Variants in SHISA9 observed in about 807,000 individuals in gnomAD.
SHISA9 encodes the protein shisa family member 9, also known as protein shisa-9.
Under a neutral mutation model 38.0 loss-of-function variants are expected in SHISA9, and 13 were observed. The observed-to-expected ratio is 0.34, with a 90% CI of 0.22 to 0.54. SHISA9 has a LOEUF of 0.54. Among genes scored for constraint, SHISA9 ranks in the 20% least tolerant of loss-of-function variants. The probability of loss-of-function intolerance (pLI) is 0.91; values close to 1 mark genes in which losing one functional copy is unlikely to be tolerated. For missense variants in SHISA9, 538 were observed against 575.8 expected, an observed-to-expected ratio of 0.93 and a Z score of 0.67; for synonymous variants, 275 against 242.0, an observed-to-expected ratio of 1.14 and a Z score of -1.27.
chr16:12,928,187 G>A (rs1279475745), intron 2 of SHISA9, among the ~76,000 whole-genome samples: 1 of 145,386 alleles, frequency 6.9e-6, no homozygotes, highest in Non-Finnish European at 1.5e-5. Flanking sequence ...TTTTTTTTTT[G>A]CCCCTAATCA....
Position 12,962,073 on chromosome 16 carries a change from C to T in SHISA9, c.691+45258C>T, listed in dbSNP as rs148487244. On this transcript the variant is annotated intron_variant, in intron 2 of 4. Coordinates refer to ENST00000558583, the MANE Select transcript of SHISA9 (RefSeq NM_001145204.3). ...TGGACTTACTTGCTGAGGACTGGTG[C>T]TTGGCCCGTCTTGCCTGCACTGGCC... Among the ~76,000 whole-genome samples, 12 of 152,376 alleles carry T rather than the reference C, an allele frequency of 7.9e-5. No homozygotes were observed. The East Asian group carries it at 2.3e-3, about 29-fold the overall frequency.
At chr16:12,909,686 T>C (rs1019764199) in intron 1 of SHISA9, 2 of 805,626 alleles carry the variant, frequency 2.5e-6, no homozygotes, top group African/African-American at 1.9e-5. Flanking sequence ...CCAGGCTTAG[T>C]TGCTTCCCAC....
intron 2 of SHISA9, among the ~76,000 whole-genome samples, chr16:13,058,657 T>C (rs1211344602): frequency 6.6e-6 from 1 of 152,206 alleles, no homozygotes; most frequent in Non-Finnish European, 1.5e-5. Context: ...AAAAGTGTCA[T>C]CTTTCGAGGA....
chr16:13,395,554 T>A, the SHISA9 span, among the ~76,000 whole-genome samples: 1 of 152,198 alleles, frequency 6.6e-6, no homozygotes, highest in Admixed American at 6.5e-5. Context: ...GGAACTTAAC[T>A]AGGTCTACAC....
chr16:13,024,650 C>T (rs185611001), intron 2 of SHISA9, among the ~76,000 whole-genome samples: 3 of 152,280 alleles, frequency 2.0e-5, no homozygotes, highest in Non-Finnish European at 2.9e-5. Context: ...TTATTTTTGC[C>T]ACTTATGGGC....
intron 2 of SHISA9, among the ~76,000 whole-genome samples, chr16:13,106,475 T>G (rs2073926431): frequency 6.6e-6 from 1 of 152,104 alleles, no homozygotes; most frequent in East Asian, 1.9e-4. Context: ...GTGTGAAGAT[T>G]TGGTGACATG....
the SHISA9 span, among the ~76,000 whole-genome samples, chr16:13,473,813 T>G: frequency 5.3e-5 from 8 of 151,364 alleles, no homozygotes; most frequent in African/African-American, 2.0e-4. Context: ...TTGTGTGTGT[T>G]CTTTTTTAAA....
At chr16:13,441,165 C>G in the SHISA9 span, among the ~76,000 whole-genome samples, 1 of 152,122 alleles carries the variant, frequency 6.6e-6, no homozygotes, top group East Asian at 1.9e-4. Flanking sequence ...GCTTAGAACT[C>G]CATTTCTGTC....
intron 2 of SHISA9, among the ~76,000 whole-genome samples, chr16:13,182,612 C>G (rs780618592): frequency 6.6e-6 from 1 of 152,188 alleles, no homozygotes; most frequent in African/African-American, 2.4e-5. Flanking sequence ...TTATGCAAAT[C>G]TAGTGTTTCA....
At chr16:13,082,336 AT>A (rs1441586782) in intron 2 of SHISA9, 1 of 152,186 alleles carries the variant, frequency 6.6e-6, no homozygotes. Context: ...GTGGGGCTTA[AT>A]CTAGTAGTTT....
chr16:12,955,198 T>C (rs1299314970), intron 2 of SHISA9, among the ~76,000 whole-genome samples: 14 of 152,184 alleles, frequency 9.2e-5, no homozygotes, highest in Admixed American at 7.9e-4. Context: ...ACAATGGGCA[T>C]GTCAGGACTG....
At chr16:13,214,578 G>GTAT (rs1314352372) in intron 4 of SHISA9, among the ~76,000 whole-genome samples, 1 of 152,118 alleles carries the variant, frequency 6.6e-6, no homozygotes, top group African/African-American at 2.4e-5. Context: ...AGAAACTGGT[G>GTAT]TATTAGTCTG....
chr16:13,008,673 C>CTCT (rs1491158283), intron 2 of SHISA9, among the ~76,000 whole-genome samples: 68 of 128,940 alleles, frequency 5.3e-4, no homozygotes, highest in African/African-American at 2.0e-3. Context: ...CTTCCTCCCT[C>CTCT]CCTCCCTCTC....
At chr16:13,293,032 TC>T in the SHISA9 span, among the ~76,000 whole-genome samples, 1 of 151,988 alleles carries the variant, frequency 6.6e-6, no homozygotes, top group Admixed American at 6.6e-5. Flanking sequence ...AACCCAGGTT[TC>T]CCCCCTGCAA....
rs543514696 is a variant in SHISA9, at chr16:13,167,079, T to C, written c.692-36315T>C. 4.7e-5 allele frequency among the ~76,000 whole-genome samples: 7 copies of C among 148,472 alleles called. No homozygotes were observed. In the South Asian group the frequency reaches 1.1e-3, roughly 23 times the overall value. The stretch of plus-strand genomic sequence containing the variant: ...TCTCTCTCTCTCTTTTTTCTTTTTT[T>C]TTTTTTTTTTGAGACAGAGTTTCGC... On this transcript the variant is annotated intron_variant, in intron 2 of 4. Coordinates refer to ENST00000558583, the MANE Select transcript of SHISA9 (RefSeq NM_001145204.3).
chr16:12,913,547 A>G (rs1227040462), intron 1 of SHISA9, among the ~76,000 whole-genome samples: 1 of 152,122 alleles, frequency 6.6e-6, no homozygotes, highest in Non-Finnish European at 1.5e-5. Flanking sequence ...TTTTGCACTA[A>G]TCTAATACTT....
At chr16:13,020,881 AGCATTATAC>A (rs1324271971) in intron 2 of SHISA9, among the ~76,000 whole-genome samples, 1 of 152,156 alleles carries the variant, frequency 6.6e-6, no homozygotes, top group African/African-American at 2.4e-5. Context: ...CTTCTTTGAG[AGCATTATAC>A]GCAAGGGCAA....
chr16:13,463,573 A>C, the SHISA9 span, among the ~76,000 whole-genome samples: 8 of 152,216 alleles, frequency 5.3e-5, no homozygotes, highest in African/African-American at 1.9e-4. Context: ...TCTGGTAGCC[A>C]AGGTCTAAAA....
At chr16:13,151,346 A>G (rs1360659505) in intron 2 of SHISA9, among the ~76,000 whole-genome samples, 2 of 152,090 alleles carry the variant, frequency 1.3e-5, no homozygotes, top group Non-Finnish European at 2.9e-5. Flanking sequence ...GCCTCAAGCG[A>G]TCCACCCACC....
Sources: allele counts gnomAD v4.1 joint callset (sites outside exome capture counted in the v4.1 genomes callset), GRCh38; gene constraint gnomAD v4.1.1; transcripts MANE v1.5; gene names NCBI Gene and HGNC (gene_info 2026-07-23, HGNC 2026-07-21).